The following SSBP3 variants were observed in gnomAD, a reference collection of about 807,000 sequenced individuals.
SSBP3 encodes single stranded DNA binding protein 3, also known as single-stranded DNA-binding protein 3.
In SSBP3, 5 loss-of-function variants were observed where a neutral mutation model predicts 69.6. The observed-to-expected ratio is 0.07, with a 90% CI of 0.04 to 0.15. The LOEUF is 0.15. SSBP3 is among the 10% of genes least tolerant of loss of function. The pLI is 1.00. For synonymous variants in SSBP3, 196 were observed against 193.4 expected (o/e 1.01, Z -0.11); for missense variants, 312 against 534.0 (o/e 0.58, Z 4.10).
intron 4 of SSBP3, among the ~76,000 whole-genome samples, chr1:54,396,403 TTA>T (rs1452969272): frequency 6.6e-6 from 1 of 152,112 alleles, no homozygotes; most frequent in East Asian, 1.9e-4. Flanking sequence ...TCAGACACTA[TTA>T]TAAAGGCTAC....
intron 14 of SSBP3, among the ~76,000 whole-genome samples, chr1:54,230,677 C>A (rs1026180823): frequency 6.6e-6 from 1 of 152,152 alleles, no homozygotes; most frequent in African/African-American, 2.4e-5. Context: ...TCATTTCTGT[C>A]CTCCTCCAAC....
rs1557525489 is a variant in SSBP3 at position 54,316,673 on chromosome 1, T to TAAAAA, written c.277-35147_277-35146insTTTTT. Among the ~76,000 whole-genome samples the TAAAAA allele has an allele frequency of 1.9e-4, 14 of 72,442 alleles. 2 individuals are homozygous for TAAAAA. Among genetic ancestry groups the TAAAAA allele is most frequent in the South Asian group, 4.1e-4 (1 of 2,416 alleles). The allele number at this position is 72,442 out of a possible 152,430, so 47.5% of individuals were successfully genotyped here. A position where few individuals can be genotyped will look rare whatever the true frequency, so the allele number is the denominator to read the frequency against. Reference sequence around the variant, plus strand: ...AAAAAAAAAAAATAAAATAAATAAATAAATAAATAAATAAATAAATAAATA... The same window carrying TAAAAA: ...AAAAAAAAAAAATAAAATAAATAAATAAAAAAAATAAATAAATAAATAAATAAATA... On this transcript the variant is annotated intron_variant, in intron 4 of 17. Coordinates refer to ENST00000610401, the Ensembl canonical transcript of SSBP3.
intron 7 of SSBP3, 144 bp downstream of exon 7, chr1:54,256,983 G>A: frequency 1.3e-6 from 1 of 799,450 alleles, no homozygotes. Context: ...GCCCTCTCTG[G>A]GGAACAGCTA....
intron 4 of SSBP3, among the ~76,000 whole-genome samples, chr1:54,309,590 G>T (rs1645962179): frequency 6.6e-6 from 1 of 152,226 alleles, no homozygotes; most frequent in South Asian, 2.1e-4. Flanking sequence ...CAGGCAGTCA[G>T]AAAGTTGGCT....
chr1:54,393,393 C>T (rs944377026), intron 4 of SSBP3, among the ~76,000 whole-genome samples: 1 of 152,190 alleles, frequency 6.6e-6, no homozygotes, highest in Non-Finnish European at 1.5e-5. Flanking sequence ...AGGCACACAC[C>T]TCTCACCCCA....
intron 4 of SSBP3, among the ~76,000 whole-genome samples, chr1:54,282,907 C>T (rs908703530): frequency 6.6e-6 from 1 of 152,204 alleles, no homozygotes; most frequent in Non-Finnish European, 1.5e-5. Flanking sequence ...CTTTTTTCCT[C>T]TTAGAAACAC....
At chr1:54,255,101 CATT>C (rs1644895597) in intron 7 of SSBP3, among the ~76,000 whole-genome samples, 1 of 124,182 alleles carries the variant, frequency 8.1e-6, no homozygotes, top group African/African-American at 3.1e-5. Context: ...AAAGTGCTAG[CATT>C]ATAAGCGTGA....
At chr1:54,266,455 C>T (rs975435709) in intron 5 of SSBP3, among the ~76,000 whole-genome samples, 4 of 152,196 alleles carry the variant, frequency 2.6e-5, no homozygotes, top group Non-Finnish European at 4.4e-5. Flanking sequence ...GTTCTGTCCA[C>T]GGCTGCTTAC....
chr1:54,227,181 A>AGT, intron 17 of SSBP3, 21 bp from the exon 18 acceptor site: 3 of 525,172 alleles, frequency 5.7e-6, no homozygotes, highest in South Asian at 2.3e-5. Context: ...GAAGCAGAGA[A>AGT]GGGGGGGGGG....
intron 14 of SSBP3, among the ~76,000 whole-genome samples, chr1:54,230,366 C>A (rs910060716): frequency 6.6e-6 from 1 of 152,192 alleles, no homozygotes; most frequent in African/African-American, 2.4e-5. Context: ...CCATGCCAGA[C>A]CCCCAAAATC....
intron 4 of SSBP3, among the ~76,000 whole-genome samples, chr1:54,293,126 A>C (rs1266404653): frequency 1.3e-5 from 2 of 152,146 alleles, no homozygotes; most frequent in Non-Finnish European, 2.9e-5. Flanking sequence ...ACAAAGCTAA[A>C]GGGCAAGGCG....
At position 54,284,313 on chromosome 1, in the gene SSBP3, C is replaced by G. The variant is rs1373762064; in HGVS notation, c.277-2786G>C. Among the ~76,000 whole-genome samples the G allele has an allele frequency of 4.6e-5, 7 of 151,970 alleles. No homozygotes were observed. In the East Asian group the frequency reaches 1.4e-3, roughly 29 times the overall value. On this transcript the variant is annotated intron_variant, in intron 4 of 17. Coordinates refer to ENST00000610401, the Ensembl canonical transcript of SSBP3. ...TAGTATCCCTTTGGTATTCGGTATT[C>G]TGAGTTACCTCTTAGGTCATTACCT...
chr1:54,228,159 C>A, intron 17 of SSBP3, 96 bp downstream of exon 17: 1 of 1,132,566 alleles, frequency 8.8e-7, no homozygotes, highest in Non-Finnish European at 1.3e-6. Flanking sequence ...ACCAGCTTAG[C>A]TGGCAGGCTG....
At chr1:54,259,064 G>A (rs1023639530) in intron 5 of SSBP3, among the ~76,000 whole-genome samples, 5 of 152,086 alleles carry the variant, frequency 3.3e-5, no homozygotes, top group African/African-American at 7.2e-5. Context: ...TGGGGACCCC[G>A]GACTGCTGGG....
chr1:54,322,399 C>A (rs542499385), intron 4 of SSBP3, among the ~76,000 whole-genome samples: 1 of 152,242 alleles, frequency 6.6e-6, no homozygotes, highest in Non-Finnish European at 1.5e-5. Context: ...CAGACAATGG[C>A]TAGCCTTCTC....
chr1:54,297,155 A>G (rs1645717222), intron 4 of SSBP3, among the ~76,000 whole-genome samples: 1 of 152,220 alleles, frequency 6.6e-6, no homozygotes, highest in African/African-American at 2.4e-5. Context: ...GGGAACCAGA[A>G]GGAAGATTTA....
At chr1:54,319,221 C>A (rs776356720) in intron 4 of SSBP3, among the ~76,000 whole-genome samples, 1 of 152,114 alleles carries the variant, frequency 6.6e-6, no homozygotes, top group African/African-American at 2.4e-5. Context: ...TGAGGCTCAG[C>A]GAAGAGCTAA....
At chr1:54,271,386 G>A (rs1645190572) in intron 5 of SSBP3, among the ~76,000 whole-genome samples, 2 of 152,202 alleles carry the variant, frequency 1.3e-5, no homozygotes, top group Non-Finnish European at 2.9e-5. Flanking sequence ...GGGATTTGCA[G>A]GTATGAGCCA....
At chr1:54,304,915 G>GACC (rs758980557) in intron 4 of SSBP3, among the ~76,000 whole-genome samples, 3 of 152,130 alleles carry the variant, frequency 2.0e-5, no homozygotes, top group Non-Finnish European at 4.4e-5. Flanking sequence ...GAGCCTGGAA[G>GACC]ACCACCACCA....
Sources: allele counts gnomAD v4.1 joint callset (sites outside exome capture counted in the v4.1 genomes callset), GRCh38; gene constraint gnomAD v4.1.1; transcripts MANE v1.5; gene names NCBI Gene and HGNC (gene_info 2026-07-23, HGNC 2026-07-21).